The following MEPCE variants were observed in gnomAD, a reference collection of about 807,000 sequenced individuals.
MEPCE encodes 7SK snRNA methylphosphate capping enzyme.
A neutral mutation model predicts 52.3 loss-of-function variants in MEPCE; 9 were observed. The observed-to-expected ratio is 0.17, with a 90% CI of 0.10 to 0.30. The LOEUF (loss-of-function observed/expected upper bound fraction) is 0.30. MEPCE is among the 10% of genes least tolerant of loss of function. The pLI is 1.00. For missense variants in MEPCE, 826 were observed against 933.0 expected (o/e 0.89, Z 1.49); for synonymous variants, 477 against 401.6 (o/e 1.19, Z -2.25).
rs943969313 is a variant in MEPCE, at chr7:100,431,444, G to A, written c.1426G>A (p.Asp476Asn). The change falls in exon 1 of 4, where the codon GAT (aspartate) becomes AAT (asparagine). Residue 476 changes from aspartate to asparagine, a missense_variant. This residue lies in a region of MEPCE where 107 missense variants were observed against 157.9 expected (regional missense o/e 0.68). Coordinates refer to ENST00000310512, the MANE Select transcript of MEPCE (RefSeq NM_019606.6). The part of the protein sequence containing the change: ...GPSRMVGLDI[D>N]SRLIHSARQN... ...GTCCCGCATGGTGGGCCTGGATATC[G>A]ATTCCCGGCTCATCCATTCTGCCCG... The A allele has an allele frequency of 4.3e-6, 7 of 1,613,814 alleles. No individual in the cohort carries two copies. In the African/African-American group the frequency reaches 8.0e-5, roughly 18 times the overall value.
In MEPCE at chr7:100,431,659, A is replaced by G. The variant is rs762711596; in HGVS notation, c.1641A>G (p.Ser547=). ...TGCCCTTGGATGGAGCGGACACATCAGTCTTCCCCAACAATGTTGTCTTCG... is the reference window on the plus strand; with the variant it reads ...TGCCCTTGGATGGAGCGGACACATCGGTCTTCCCCAACAATGTTGTCTTCG... ...PQVPLDGADT[S]VFPNNVVFVT... is the part of the protein sequence containing the mutation. Residue 547 remains serine, a synonymous_variant, in exon 1 of 4, where the codon TCA becomes TCG. Coordinates refer to ENST00000310512, the MANE Select transcript of MEPCE (RefSeq NM_019606.6). 59 of 1,599,450 alleles carry G rather than the reference A, an allele frequency of 3.7e-5. No homozygotes were observed. Among genetic ancestry groups the G allele is most frequent in the Non-Finnish European group, 4.8e-5 (56 of 1,177,680 alleles).
intron 1 of MEPCE, among the ~76,000 whole-genome samples, chr7:100,432,156 A>G (rs1180051880): frequency 6.6e-6 from 1 of 152,196 alleles, no homozygotes; most frequent in Non-Finnish European, 1.5e-5. Context: ...CCTTGCTCCT[A>G]TCAGCGGCTT....
upstream of MEPCE, chr7:100,429,456 G>A (rs1798416871): frequency 1.3e-5 from 2 of 152,306 alleles, no homozygotes; most frequent in Non-Finnish European, 2.9e-5. Context: ...CATTCCTCAG[G>A]AACAAGGGTC....
Position 100,430,530 on chromosome 7 carries a change from G to T in MEPCE, c.512G>T (p.Arg171Met). 1 of 1,585,408 alleles carries T rather than the reference G, an allele frequency of 6.3e-7. No individual in the cohort carries two copies. The highest frequency in any genetic ancestry group is 8.6e-7 in the Non-Finnish European group (1 of 1,165,314). ...GFKHPAFKRRRRVNSDCDSVL... is the reference protein window; with the variant it reads ...GFKHPAFKRRMRVNSDCDSVL... ...AAACATCCGGCCTTCAAGAGGCGCA[G>T]GCGGGTGAATTCGGACTGTGACTCT... Residue 171 changes from arginine (R) to methionine (M), a missense_variant, in exon 1 of 4, where the codon AGG becomes ATG. Physicochemically the swap from Arg to Met is moderately conservative, Grantham distance 91 (BLOSUM62 -1). Transcript: ENST00000310512.
In MEPCE at chr7:100,433,109, C is replaced by G; in HGVS notation, c.1862C>G (p.Ser621Trp). ...GILVLEPQPW[S>W]SYGKRKTLTE... ...CTGGTCCTAGAGCCCCAACCCTGGT[C>G]GTCGTATGGCAAGAGAAAGACTCTT... is the stretch of plus-strand genomic sequence containing the variant. The change falls in exon 2 of 4, where the codon TCG becomes TGG. Residue 621 changes from serine (S) to tryptophan (W), a missense_variant. By Grantham distance (177) the Ser-to-Trp change is radical (BLOSUM62 -3). Coordinates refer to ENST00000310512, the MANE Select transcript of MEPCE (RefSeq NM_019606.6). 1 of 1,613,938 alleles carries G rather than the reference C, an allele frequency of 6.2e-7. No individual in the cohort carries two copies. Among genetic ancestry groups the G allele is most frequent in the Non-Finnish European group, 8.5e-7 (1 of 1,180,028 alleles).
In MEPCE at chr7:100,433,538, G is replaced by A. The variant is rs762750018; in HGVS notation, c.2054G>A (p.Arg685Gln). The change falls in exon 4 of 4, where the codon CGA becomes CAA. Residue 685 changes from arginine (R) to glutamine (Q), a missense_variant. Coordinates refer to ENST00000310512, the MANE Select transcript of MEPCE (RefSeq NM_019606.6). ...CCTGTGTACCTGTTCCACAAGGCCCGATCCCCCAGCCACTAAGTGGCCCCC... is the reference window on the plus strand; with the variant it reads ...CCTGTGTACCTGTTCCACAAGGCCCAATCCCCCAGCCACTAAGTGGCCCCC... ...QRPVYLFHKA[R>Q]SPSH 94 of 1,613,026 alleles carry A rather than the reference G, an allele frequency of 5.8e-5. No individual in the cohort carries two copies. Among genetic ancestry groups the A allele is most frequent in the Admixed American group, 1.0e-4 (6 of 59,986 alleles).
upstream of MEPCE, chr7:100,429,703 C>T (rs1251122941): frequency 6.8e-6 from 2 of 294,920 alleles, no homozygotes; most frequent in East Asian, 5.3e-5. Context: ...GCGGAGTGCG[C>T]ATGCGTGGTT....
chr7:100,431,043 C>A lies in MEPCE; in HGVS notation c.1025C>A (p.Ser342Tyr). Reference sequence around the variant, plus strand: ...TCTGCTCTGCAGGGTCCCTCAGGCTCCCTATCAGCCCCTCCAGCTGCCTCA... The same window carrying A: ...TCTGCTCTGCAGGGTCCCTCAGGCTACCTATCAGCCCCTCCAGCTGCCTCA... ...LPSALQGPSG[S>Y]LSAPPAASVI... The change falls in exon 1 of 4, where the codon TCC (serine) becomes TAC (tyrosine). Residue 342 changes from serine (S) to tyrosine (Y), a missense_variant. Around this residue, in one of 7 missense-constraint regions of MEPCE, gnomAD observed 307 missense variants for 292.1 expected, o/e 1.05. Coordinates refer to ENST00000310512, the MANE Select transcript of MEPCE (RefSeq NM_019606.6). The A allele has an allele frequency of 6.2e-7, 1 of 1,613,868 alleles. No homozygotes were observed. Among genetic ancestry groups the A allele is most frequent in the South Asian group, 1.1e-5 (1 of 91,090 alleles).
In MEPCE at chr7:100,430,120, G is replaced by A; in HGVS notation, c.102G>A (p.Pro34=). The change falls in exon 1 of 4, where the codon CCG becomes CCA. Residue 34 remains proline, a synonymous_variant. Coordinates refer to ENST00000310512, the MANE Select transcript of MEPCE (RefSeq NM_019606.6). ...SGGGGGPTVP[P]HQEAASGELR... is the part of the protein sequence containing the mutation. ...GAGGGGGCGGCCCCACGGTGCCACC[G>A]CACCAAGAGGCCGCCTCTGGGGAGC... 1.6e-6 allele frequency: 2 copies of A among 1,263,662 alleles called. No homozygotes were observed. The highest frequency in any genetic ancestry group is 2.9e-5 in the South Asian group (1 of 34,250). The allele number at this position is 1,263,662 out of a possible 1,614,324, so 78.3% of individuals were successfully genotyped here.
Position 100,430,185 on chromosome 7 carries a change from C to T in MEPCE, c.167C>T (p.Pro56Leu), listed in dbSNP as rs1007790888. Residue 56 changes from proline (P) to leucine (L), a missense_variant, in exon 1 of 4, where the codon CCA becomes CTA. This residue lies in a region of MEPCE where 314 missense variants were observed against 277.7 expected (regional missense o/e 1.13). Coordinates refer to ENST00000310512, the MANE Select transcript of MEPCE (RefSeq NM_019606.6). ...GTERGPGRCA[P>L]SAGSPAAAVG... ...GAGCGTGGTCCGGGTCGTTGCGCGC[C>T]ATCTGCGGGGTCCCCAGCCGCTGCG... 1.5e-6 allele frequency: 2 copies of T among 1,297,786 alleles called. No individual in the cohort carries two copies. Among genetic ancestry groups the T allele is most frequent in the Non-Finnish European group, 2.0e-6 (2 of 1,025,430 alleles). The allele number at this position is 1,297,786 out of a possible 1,614,324, so 80.4% of individuals were successfully genotyped here. A position where few individuals can be genotyped will look rare whatever the true frequency, so the allele number is the denominator to read the frequency against.
In MEPCE at chr7:100,430,407, C is replaced by A; in HGVS notation, c.389C>A (p.Pro130His). The stretch of plus-strand genomic sequence containing the variant: ...ACAGAGCTGGGTCCCCCTGCTCCTC[C>A]TCGACCCCGCAATGGCTATCAGCCC... ...GGTELGPPAP[P>H]RPRNGYQPHR... is the part of the protein sequence containing the mutation. The change falls in exon 1 of 4, where the codon CCT becomes CAT. Residue 130 changes from proline to histidine, a missense_variant. Transcript: ENST00000310512. 6.5e-7 allele frequency: 1 copy of A among 1,536,742 alleles called. No individual in the cohort carries two copies. The highest frequency in any genetic ancestry group is 8.7e-7 in the Non-Finnish European group (1 of 1,144,170).
chr7:100,429,870 C>G lies in MEPCE; in HGVS notation c.-149C>G, dbSNP rs1372267892. The G allele has an allele frequency of 2.0e-5, 12 of 613,656 alleles. No individual in the cohort carries two copies. Among genetic ancestry groups the G allele is most frequent in the Non-Finnish European group, 2.8e-5 (12 of 425,274 alleles). 38.0% of individuals were successfully genotyped at this position (613,656 alleles called of 1,614,324 possible). On this transcript the variant is annotated 5_prime_UTR_variant, in exon 1 of 4. Coordinates refer to ENST00000310512, the MANE Select transcript of MEPCE (RefSeq NM_019606.6). Reference sequence around the variant, plus strand: ...TCGCGGGCTAGTAGGGCGCACTTGGCGGGGAGGCGCTTGGGCGCGAGACTA... The same window carrying G: ...TCGCGGGCTAGTAGGGCGCACTTGGGGGGGAGGCGCTTGGGCGCGAGACTA...
In MEPCE at chr7:100,430,467, G is replaced by A; in HGVS notation, c.449G>A (p.Arg150Lys). ...RPPGGGGGKR[R>K]NSCNVGGGGG... ...CCTGGGGGGGGCGGGGGCAAGAGGAGAAATAGCTGTAATGTAGGGGGAGGC... is the reference window on the plus strand; with the variant it reads ...CCTGGGGGGGGCGGGGGCAAGAGGAAAAATAGCTGTAATGTAGGGGGAGGC... The change falls in exon 1 of 4, where the codon AGA becomes AAA. Residue 150 changes from arginine (R) to lysine (K), a missense_variant. Coordinates refer to ENST00000310512, the MANE Select transcript of MEPCE (RefSeq NM_019606.6). 3.2e-6 allele frequency: 5 copies of A among 1,565,262 alleles called. No homozygotes were observed. The highest frequency in any genetic ancestry group is 4.3e-6 in the Non-Finnish European group (5 of 1,159,376).
Position 100,432,945 on chromosome 7 carries a change from C to T in MEPCE, c.1698C>T (p.Asp566=), listed in dbSNP as rs1162976331. Residue 566 remains aspartate (D), a synonymous_variant, in exon 2 of 4, where the codon GAC becomes GAT. Coordinates refer to ENST00000310512, the MANE Select transcript of MEPCE (RefSeq NM_019606.6). ...VTGNYVLDRD[D]LVEAQTPEYD... is the part of the protein sequence containing the mutation. The stretch of plus-strand genomic sequence containing the variant: ...GTAATTATGTGCTGGATCGAGATGA[C>T]CTGGTGGAGGCCCAAACACCTGAGT... 3 of 1,613,920 alleles carry T rather than the reference C, an allele frequency of 1.9e-6. No homozygotes were observed. The African/African-American group carries it at 4.0e-5, about 22-fold the overall frequency.
intron 1 of MEPCE, 88 bp from the exon 2 acceptor site, chr7:100,432,831 G>A (rs975483067): frequency 1.7e-6 from 2 of 1,184,506 alleles, no homozygotes; most frequent in Non-Finnish European, 2.5e-6. Context: ...GTGAGGCCGC[G>A]GGACTGTATC....
intron 3 of MEPCE, 46 bp downstream of exon 3, chr7:100,433,435 A>G (rs1203968053): frequency 6.2e-6 from 10 of 1,613,996 alleles, no homozygotes; most frequent in Non-Finnish European, 8.5e-6. Context: ...TGGCTGAAAG[A>G]GTGCAGACCC....
chr7:100,431,558 A>G lies in MEPCE; in HGVS notation c.1540A>G (p.Thr514Ala), dbSNP rs756357299. The change falls in exon 1 of 4, where the codon ACC (threonine) becomes GCC (alanine). Residue 514 changes from threonine to alanine, a missense_variant. Thr to Ala is a moderately conservative substitution (Grantham distance 58, BLOSUM62 0). Coordinates refer to ENST00000310512, the MANE Select transcript of MEPCE (RefSeq NM_019606.6). ...GDPGAEGEEG[T>A]TTVRKRSCFP... ...CCCGGGGGCAGAGGGTGAGGAAGGG[A>G]CCACCACCGTTCGAAAGAGGAGCTG... The G allele has an allele frequency of 1.9e-6, 3 of 1,612,430 alleles. No homozygotes were observed. Among genetic ancestry groups the G allele is most frequent in the Non-Finnish European group, 1.7e-6 (2 of 1,180,000 alleles).
chr7:100,431,546 G>A lies in MEPCE; in HGVS notation c.1528G>A (p.Gly510Ser), dbSNP rs1228359399. 4 of 1,612,690 alleles carry A rather than the reference G, an allele frequency of 2.5e-6. No individual in the cohort carries two copies. The East Asian group carries it at 6.7e-5, about 27-fold the overall frequency. ...TTTGGAAGGGGACCCGGGGGCAGAG[G>A]GTGAGGAAGGGACCACCACCGTTCG... is the stretch of plus-strand genomic sequence containing the variant. ...QTLEGDPGAE[G>S]EEGTTTVRKR... The change falls in exon 1 of 4, where the codon GGT becomes AGT. Residue 510 changes from glycine to serine, a missense_variant. By Grantham distance (56) the Gly-to-Ser change is moderately conservative. Coordinates refer to ENST00000310512, the MANE Select transcript of MEPCE (RefSeq NM_019606.6).
chr7:100,430,881 C>T lies in MEPCE; in HGVS notation c.863C>T (p.Ala288Val), dbSNP rs768629360. Residue 288 changes from alanine (A) to valine (V), a missense_variant, in exon 1 of 4, where the codon GCC (alanine) becomes GTC (valine). Coordinates refer to ENST00000310512, the MANE Select transcript of MEPCE (RefSeq NM_019606.6). ...GAGAGTCACCCCGTGCCGCCCACAG[C>T]CCCTCTCACCCCCTTACTCCACGGG... ...GSESHPVPPT[A>V]PLTPLLHGEG... The T allele has an allele frequency of 1.8e-5, 29 of 1,608,422 alleles. No individual in the cohort carries two copies. The highest frequency in any genetic ancestry group is 8.5e-7 in the Non-Finnish European group (1 of 1,176,470).
Sources: allele counts gnomAD v4.1 joint callset (sites outside exome capture counted in the v4.1 genomes callset), GRCh38; gene constraint gnomAD v4.1.1; regional missense constraint gnomAD v4.1.1; transcripts MANE v1.5; gene names NCBI Gene and HGNC (gene_info 2026-07-23, HGNC 2026-07-21).